The following DOCK4 variants were observed in gnomAD, a reference collection of about 807,000 sequenced individuals.
DOCK4 encodes dedicator of cytokinesis 4.
In DOCK4, 97 loss-of-function variants were observed where a neutral mutation model predicts 268.1. That is an observed-to-expected ratio of 0.36 (90% CI 0.31 to 0.43). DOCK4 has a LOEUF of 0.43. Ranked by LOEUF, DOCK4 falls within the 20% of genes least tolerant of loss-of-function variation. DOCK4 has a pLI of 1.00. For missense variants in DOCK4, 2,145 were observed against 2,455.7 expected (o/e 0.87, Z 2.67); for synonymous variants, 954 against 887.2 (o/e 1.08, Z -1.34).
At chr7:112,200,726 A>T (rs868318361) in intron 1 of DOCK4, among the ~76,000 whole-genome samples, 11 of 16,348 alleles carry the variant, frequency 6.7e-4, no homozygotes, top group African/African-American at 2.3e-3. Flanking sequence ...CCTCTAAAAT[A>T]AAAAAAAAAA....
In DOCK4 at chr7:111,984,365, T is replaced by G. The variant is rs1272520398; in HGVS notation, c.490A>C (p.Arg164=). ...NEQLGLDLVP[R]KEYAMVDPED... Reference sequence around the variant, plus strand: ...GGATCCACCATTGCGTACTCTTTCCTAGGCACCAGGTCCAGTCCCAGTTGT... The same window carrying G: ...GGATCCACCATTGCGTACTCTTTCCGAGGCACCAGGTCCAGTCCCAGTTGT... Residue 164 remains arginine (R), a synonymous_variant, in exon 7 of 53, where the codon AGG becomes CGG. Transcript: ENST00000428084. 4 of 1,613,398 alleles carry G rather than the reference T, an allele frequency of 2.5e-6. No homozygotes were observed. Among genetic ancestry groups the G allele is most frequent in the Non-Finnish European group, 3.4e-6 (4 of 1,179,636 alleles).
At chr7:111,806,309 C>T (rs1284905837) in intron 30 of DOCK4, among the ~76,000 whole-genome samples, 4 of 152,138 alleles carry the variant, frequency 2.6e-5, no homozygotes, top group African/African-American at 9.7e-5. Flanking sequence ...ACTCTGAATA[C>T]TTAATTATTC....
intron 1 of DOCK4, among the ~76,000 whole-genome samples, chr7:112,122,838 G>C (rs1812865191): frequency 6.6e-6 from 1 of 152,112 alleles, no homozygotes; most frequent in African/African-American, 2.4e-5. Context: ...CTATCTTTAA[G>C]TTATCAAATA....
At chr7:111,750,530 C>T (rs1585869470) in intron 42 of DOCK4, among the ~76,000 whole-genome samples, 1 of 152,302 alleles carries the variant, frequency 6.6e-6, no homozygotes, top group African/African-American at 2.4e-5. Context: ...GAATGAGGAA[C>T]CCTGTGAACC....
At chr7:112,134,991 A>G (rs989616928) in intron 1 of DOCK4, among the ~76,000 whole-genome samples, 2 of 151,596 alleles carry the variant, frequency 1.3e-5, no homozygotes, top group Admixed American at 1.3e-4. Context: ...TAAAACATAT[A>G]TGTGTGTGTG....
At chr7:111,730,414 G>GCTAT (rs1359094473) in intron 52 of DOCK4, among the ~76,000 whole-genome samples, 3 of 152,138 alleles carry the variant, frequency 2.0e-5, no homozygotes, top group African/African-American at 7.2e-5. Context: ...TTTGAGAAAT[G>GCTAT]CTATCTTCTT....
chr7:111,996,812 G>A (rs897576014), intron 4 of DOCK4, among the ~76,000 whole-genome samples: 2 of 152,170 alleles, frequency 1.3e-5, no homozygotes, highest in Non-Finnish European at 2.9e-5. Flanking sequence ...TTTAAAAAAA[G>A]GACGTACTTA....
At chr7:112,180,900 A>G (rs1818970694) in intron 1 of DOCK4, among the ~76,000 whole-genome samples, 1 of 152,202 alleles carries the variant, frequency 6.6e-6, no homozygotes, top group African/African-American at 2.4e-5. Context: ...TGAAGTTGGT[A>G]AAAATGGCTC....
At chr7:111,746,020 C>G (rs1170346140) in intron 44 of DOCK4, among the ~76,000 whole-genome samples, 3 of 152,040 alleles carry the variant, frequency 2.0e-5, no homozygotes, top group Admixed American at 2.0e-4. Flanking sequence ...TGACTTGGGT[C>G]CCTCCCCCAA....
rs569740182 is a variant in DOCK4, at chr7:111,960,311, C to G, written c.702-14513G>C. 2.2e-4 allele frequency among the ~76,000 whole-genome samples: 33 copies of G among 150,204 alleles called. No homozygotes were observed. The East Asian group carries it at 6.5e-3, about 29-fold the overall frequency. On this transcript the variant is annotated intron_variant, in intron 8 of 52. Coordinates refer to ENST00000428084, the MANE Select transcript of DOCK4 (RefSeq NM_001363540.2). ...CCCGGGAGGCAGAGGTTGCAGTGAG[C>G]CGAGATCGCGCCACTGCACTCCAGC...
chr7:112,021,564 C>T (rs550855506), intron 1 of DOCK4, among the ~76,000 whole-genome samples: 35 of 152,346 alleles, frequency 2.3e-4, no homozygotes, highest in Admixed American at 8.5e-4. Context: ...GATGGGTCCG[C>T]TCCATGAATC....
chr7:112,007,117 G>A (rs35743922), intron 1 of DOCK4, among the ~76,000 whole-genome samples: 10,283 of 152,124 alleles, frequency 0.068, 482 homozygotes, highest in Non-Finnish European at 0.1. Flanking sequence ...TTTGTCATCC[G>A]TGGGTCCATG....
At chr7:112,152,893 G>C (rs1816238073) in intron 1 of DOCK4, among the ~76,000 whole-genome samples, 1 of 152,090 alleles carries the variant, frequency 6.6e-6, no homozygotes, top group Non-Finnish European at 1.5e-5. Flanking sequence ...TTCAAACTAA[G>C]AGCCTGTAAG....
intron 9 of DOCK4, 109 bp from the exon 10 acceptor site, chr7:111,944,980 TAATGGAA>T: frequency 4.7e-6 from 4 of 844,378 alleles, no homozygotes. Context: ...CAGACATTCT[TAATGGAA>T]TGTTTGTAGC....
chr7:111,818,717 G>T (rs929401973), intron 27 of DOCK4, among the ~76,000 whole-genome samples: 3 of 152,120 alleles, frequency 2.0e-5, no homozygotes, highest in Non-Finnish European at 4.4e-5. Context: ...CATCTTTACT[G>T]GTTCCTTCCC....
At chr7:112,000,950 T>A (rs1449384637) in intron 2 of DOCK4, among the ~76,000 whole-genome samples, 1 of 152,196 alleles carries the variant, frequency 6.6e-6, no homozygotes, top group Non-Finnish European at 1.5e-5. Context: ...CAAGATTTCA[T>A]ACATTTCCAA....
intron 1 of DOCK4, among the ~76,000 whole-genome samples, chr7:112,123,328 T>C (rs976811460): frequency 6.6e-6 from 1 of 152,128 alleles, no homozygotes; most frequent in African/African-American, 2.4e-5. Flanking sequence ...ACATAGACCT[T>C]GAGGCTTCTT....
At chr7:112,074,233 TCCAGGCA>T (rs1403244239) in intron 1 of DOCK4, among the ~76,000 whole-genome samples, 1 of 152,190 alleles carries the variant, frequency 6.6e-6, no homozygotes, top group African/African-American at 2.4e-5. Context: ...TGGGTGAGTA[TCCAGGCA>T]GGATTAATAT....
intron 16 of DOCK4, among the ~76,000 whole-genome samples, chr7:111,882,595 T>C (rs1282150672): frequency 6.6e-6 from 1 of 152,198 alleles, no homozygotes; most frequent in Non-Finnish European, 1.5e-5. Context: ...TTCTAGACTA[T>C]TATGTGTGAC....
Sources: allele counts gnomAD v4.1 joint callset (sites outside exome capture counted in the v4.1 genomes callset), GRCh38; gene constraint gnomAD v4.1.1; transcripts MANE v1.5; gene names NCBI Gene and HGNC (gene_info 2026-07-23, HGNC 2026-07-21).